The following PTPRG variants were observed in gnomAD, a reference collection of about 807,000 sequenced individuals.
PTPRG encodes the protein protein tyrosine phosphatase receptor type G, also known as receptor-type tyrosine-protein phosphatase gamma.
In PTPRG, 102 loss-of-function variants were observed where a neutral mutation model predicts 165.3. The observed-to-expected ratio is 0.62, with a 90% CI of 0.53 to 0.73. The LOEUF is 0.73. PTPRG is among the 30% of genes least tolerant of loss of function. The pLI is 0.00. For missense variants in PTPRG, 1,866 were observed against 1,861.4 expected (o/e 1.00, Z -0.05); for synonymous variants, 675 against 669.5 (o/e 1.01, Z -0.13).
chr3:61,995,690 T>G (rs868321560), intron 3 of PTPRG, among the ~76,000 whole-genome samples: 1,774 of 54,776 alleles, frequency 0.032, 30 homozygotes, highest in African/African-American at 0.06. Flanking sequence ...CCGCCTTCCT[T>G]CCTTCCTTCC....
intron 1 of PTPRG, among the ~76,000 whole-genome samples, chr3:61,745,931 A>C (rs959713784): frequency 1.3e-5 from 2 of 152,258 alleles, no homozygotes; most frequent in African/African-American, 4.8e-5. Flanking sequence ...GTGCTTTAGC[A>C]GGTAAAACTG....
At chr3:62,061,035 A>G (rs925005441) in intron 4 of PTPRG, among the ~76,000 whole-genome samples, 1 of 152,244 alleles carries the variant, frequency 6.6e-6, no homozygotes, top group African/African-American at 2.4e-5. Flanking sequence ...TTCTGCTATT[A>G]TAAATAATGC....
intron 4 of PTPRG, among the ~76,000 whole-genome samples, chr3:62,037,425 G>C (rs193071743): frequency 2.0e-5 from 3 of 152,216 alleles, no homozygotes; most frequent in Admixed American, 2.0e-4. Flanking sequence ...CAGCATCCCG[G>C]ACCTCTAGCC....
chr3:61,869,172 C>T (rs2037491880), intron 2 of PTPRG, among the ~76,000 whole-genome samples: 1 of 152,174 alleles, frequency 6.6e-6, no homozygotes, highest in South Asian at 2.1e-4. Context: ...GGACTGGATT[C>T]AAATAGGGAG....
At chr3:62,042,324 C>T (rs1700154834) in intron 4 of PTPRG, among the ~76,000 whole-genome samples, 1 of 152,166 alleles carries the variant, frequency 6.6e-6, no homozygotes, top group Non-Finnish European at 1.5e-5. Flanking sequence ...TCCAAGTGAC[C>T]CTGTGCCTTT....
At chr3:61,601,786 T>C (rs1438548862) in intron 1 of PTPRG, among the ~76,000 whole-genome samples, 3 of 152,246 alleles carry the variant, frequency 2.0e-5, no homozygotes, top group African/African-American at 7.2e-5. Context: ...GAAAGAAGAA[T>C]CATGGAAATC....
chr3:61,769,206 G>A (rs938606420), intron 2 of PTPRG: 1 of 152,146 alleles, frequency 6.6e-6, no homozygotes, highest in Non-Finnish European at 1.5e-5. Flanking sequence ...ATATATGGGA[G>A]TGTGGGATGG....
intron 1 of PTPRG, among the ~76,000 whole-genome samples, chr3:61,704,213 G>A (rs2031129711): frequency 6.6e-6 from 1 of 152,182 alleles, no homozygotes; most frequent in Non-Finnish European, 1.5e-5. Context: ...TTGTGGGCCA[G>A]TTACTAAAAA....
chr3:61,628,947 A>G (rs1456575833), intron 1 of PTPRG, among the ~76,000 whole-genome samples: 1 of 152,232 alleles, frequency 6.6e-6, no homozygotes, highest in African/African-American at 2.4e-5. Flanking sequence ...TGTAACAAAC[A>G]TACCACATAT....
rs533738815 is a variant in PTPRG, at chr3:62,098,283, A to C, written c.615+20025A>C. 1.1e-3 allele frequency among the ~76,000 whole-genome samples: 167 copies of C among 152,354 alleles called. 2 individuals are homozygous for C. Among genetic ancestry groups the C allele is most frequent in the Non-Finnish European group, 2.1e-3 (146 of 68,036 alleles). Reference sequence around the variant, plus strand: ...AAAAAAAATACAACAATATGAAATCATACAAATGAAAAAATAATACCATGG... The same window carrying C: ...AAAAAAAATACAACAATATGAAATCCTACAAATGAAAAAATAATACCATGG... On this transcript the variant is annotated intron_variant, in intron 5 of 29. Transcript: ENST00000474889.
At position 61,687,161 on chromosome 3, in the gene PTPRG, G is replaced by A. The variant is rs185305978; in HGVS notation, c.86-61717G>A. On this transcript the variant is annotated intron_variant, in intron 1 of 29. Coordinates refer to ENST00000474889, the MANE Select transcript of PTPRG (RefSeq NM_002841.4). ...TGTTCACTTCCAGCTGACAGGAAAA[G>A]ACGTAGGAAATCTTCACCAGATTTG... is the stretch of plus-strand genomic sequence containing the variant. Among the ~76,000 whole-genome samples the A allele has an allele frequency of 2.9e-3, 440 of 152,194 alleles. 1 individual carries two copies. The highest frequency in any genetic ancestry group is 4.2e-3 in the Admixed American group (64 of 15,264).
chr3:61,946,989 G>A (rs1366108834), intron 2 of PTPRG, among the ~76,000 whole-genome samples: 1 of 152,220 alleles, frequency 6.6e-6, no homozygotes, highest in Non-Finnish European at 1.5e-5. Context: ...CTTGGGGGAT[G>A]TATGTTTGGG....
At chr3:62,142,036 C>T (rs1044750745) in intron 6 of PTPRG, among the ~76,000 whole-genome samples, 3 of 151,112 alleles carry the variant, frequency 2.0e-5, no homozygotes, top group Admixed American at 6.6e-5. Context: ...TAGAACATTT[C>T]ACCACGATGG....
chr3:62,093,734 C>T (rs956701019), intron 5 of PTPRG, among the ~76,000 whole-genome samples: 1 of 152,194 alleles, frequency 6.6e-6, no homozygotes, highest in Non-Finnish European at 1.5e-5. Context: ...GTAAGATCAT[C>T]CCCTCGGGCT....
chr3:62,152,313 G>A (rs754847830), intron 6 of PTPRG, among the ~76,000 whole-genome samples: 10 of 151,912 alleles, frequency 6.6e-5, no homozygotes, highest in South Asian at 2.1e-4. Flanking sequence ...TCAAGGTTGC[G>A]GTGCCACCAC....
intron 8 of PTPRG, among the ~76,000 whole-genome samples, chr3:62,172,188 T>C (rs538732163): frequency 5.8e-4 from 88 of 152,358 alleles, no homozygotes; most frequent in African/African-American, 1.7e-3. Context: ...TTGGCTGTTA[T>C]GAATAATGCT....
At chr3:61,733,902 G>A (rs922921550) in intron 1 of PTPRG, among the ~76,000 whole-genome samples, 1 of 152,112 alleles carries the variant, frequency 6.6e-6, no homozygotes, top group East Asian at 1.9e-4. Flanking sequence ...GGCTCAAGCG[G>A]TCCTCACACC....
In PTPRG at chr3:62,262,872, C is replaced by T. The variant is rs145287841; in HGVS notation, c.2634C>T (p.Asn878=). 1.3e-4 allele frequency: 209 copies of T among 1,612,600 alleles called. No homozygotes were observed. In the African/African-American group the frequency reaches 2.6e-3, roughly 20 times the overall value. Residue 878 remains asparagine, a synonymous_variant, in exon 17 of 30, where the codon AAC becomes AAT. Coordinates refer to ENST00000474889, the MANE Select transcript of PTPRG (RefSeq NM_002841.4). ...HSNHPENKHK[N]RYINILAYDH... Reference sequence around the variant, plus strand: ...ATCATCCAGAAAACAAGCACAAAAACAGATACATCAACATTTTAGCATGTG... The same window carrying T: ...ATCATCCAGAAAACAAGCACAAAAATAGATACATCAACATTTTAGCATGTG...
chr3:61,612,169 C>T (rs530248491), intron 1 of PTPRG, among the ~76,000 whole-genome samples: 6 of 152,284 alleles, frequency 3.9e-5, no homozygotes, highest in African/African-American at 1.2e-4. Context: ...TCTTGAACTC[C>T]TGACCTCAGG....
Sources: allele counts gnomAD v4.1 joint callset (sites outside exome capture counted in the v4.1 genomes callset), GRCh38; gene constraint gnomAD v4.1.1; transcripts MANE v1.5; gene names NCBI Gene and HGNC (gene_info 2026-07-23, HGNC 2026-07-21).